ADCY3: variants seen among roughly 807,000 people sequenced by gnomAD.
ADCY3 encodes adenylate cyclase type 3.
A neutral mutation model predicts 119.4 loss-of-function variants in ADCY3; 70 were observed. That is an observed-to-expected ratio of 0.59 (90% CI 0.48 to 0.72). ADCY3 has a LOEUF of 0.72. ADCY3 is among the 30% of genes least tolerant of loss of function. The pLI, the probability that ADCY3 is intolerant of heterozygous loss-of-function variation, is 0.00. For missense variants in ADCY3, 1,238 were observed against 1,541.6 expected, an observed-to-expected ratio of 0.80 and a Z score of 3.30; for synonymous variants, 672 against 621.4, an observed-to-expected ratio of 1.08 and a Z score of -1.21.
chr2:24,912,288 C>T (rs1663803632), intron 2 of ADCY3, among the ~76,000 whole-genome samples: 1 of 146,514 alleles, frequency 6.8e-6, no homozygotes, highest in African/African-American at 2.5e-5. Context: ...CATGGTGAAA[C>T]TCTGTCTCTA....
At chr2:24,821,245 A>G in intron 20 of ADCY3, 1 of 472,548 alleles carries the variant, frequency 2.1e-6, no homozygotes, top group Non-Finnish European at 3.7e-6. Context: ...CTGGAAATGG[A>G]TCACAAACTC....
chr2:24,903,103 C>T (rs148968279), intron 2 of ADCY3, among the ~76,000 whole-genome samples: 10 of 149,914 alleles, frequency 6.7e-5, no homozygotes, highest in Non-Finnish European at 1.3e-4. Flanking sequence ...GCCAAGATCG[C>T]GCCACTGCAC....
chr2:24,902,877 A>C (rs888515176), intron 2 of ADCY3, among the ~76,000 whole-genome samples: 1 of 152,074 alleles, frequency 6.6e-6, no homozygotes, highest in African/African-American at 2.4e-5. Context: ...TAAAAACACA[A>C]AAAATTAGCC....
rs548075036 is a variant in ADCY3 at position 24,830,761 on chromosome 2, G to A, written c.2120C>T (p.Thr707Ile). Reference protein sequence around the residue: ...WIDRTRWARNTWAMLAIFILV... With the variant: ...WIDRTRWARNIWAMLAIFILV... ...GATGAAGATGGCGAGCATGGCCCAG[G>A]TGTTCCTGGCCCAGCGGGTCCGGTC... The change falls in exon 13 of 22, where the codon ACC (threonine) becomes ATC (isoleucine). Residue 707 changes from threonine to isoleucine, a missense_variant. Thr to Ile is a moderately conservative substitution (Grantham distance 89, BLOSUM62 -1). Coordinates refer to ENST00000679454, the MANE Select transcript of ADCY3 (RefSeq NM_004036.5). 9.9e-6 allele frequency: 16 copies of A among 1,614,034 alleles called. No homozygotes were observed. The African/African-American group carries it at 1.6e-4, about 16-fold the overall frequency.
At chr2:24,838,410 T>TGGGTG in intron 8 of ADCY3, 35 bp downstream of exon 8, 1 of 464,970 alleles carries the variant, frequency 2.2e-6, no homozygotes, top group Non-Finnish European at 2.8e-6. Flanking sequence ...AGGGGTGGGG[T>TGGGTG]GGGTGGGGTG....
intron 11 of ADCY3, chr2:24,832,051 C>CAGGGGAA (rs1346197819): frequency 6.2e-5 from 1 of 16,060 alleles, no homozygotes; most frequent in Non-Finnish European, 1.3e-4. Flanking sequence ...AGACAAGGAC[C>CAGGGGAA]GGGGGAAGGG....
intron 2 of ADCY3, among the ~76,000 whole-genome samples, chr2:24,905,207 C>T (rs1007376345): frequency 4.0e-5 from 6 of 151,250 alleles, no homozygotes; most frequent in African/African-American, 1.5e-4. Flanking sequence ...AATCTCAGCT[C>T]ACTACAAGCT....
At chr2:24,823,627 A>G (rs1179110013) in intron 17 of ADCY3, among the ~76,000 whole-genome samples, 1 of 151,174 alleles carries the variant, frequency 6.6e-6, no homozygotes, top group Non-Finnish European at 1.5e-5. Flanking sequence ...CCACAGACAC[A>G]TGTCACCATG....
rs1675081959 is a variant in ADCY3 at position 24,872,040 on chromosome 2, G to T, written c.825+530C>A. ...GAGGGAGGAGCTCCCCTGAGTGGGG[G>T]TGTGAGGCTGACACACTTCACCCAG... On this transcript the variant is annotated intron_variant, in intron 3 of 21. Transcript: ENST00000679454. This position sits in a 1 kb window ranked among gnomAD's most constrained non-coding sequence, Gnocchi z 4.4. Among the ~76,000 whole-genome samples, 1 of 152,202 alleles carries T rather than the reference G, an allele frequency of 6.6e-6. No homozygotes were observed. The highest frequency in any genetic ancestry group is 1.5e-5 in the Non-Finnish European group (1 of 68,034).
chr2:24,833,452 CCTG>C (rs1181243620), intron 11 of ADCY3, among the ~76,000 whole-genome samples: 1 of 152,244 alleles, frequency 6.6e-6, no homozygotes, highest in Non-Finnish European at 1.5e-5. Context: ...GCCAGCAAGT[CCTG>C]CTCTGACCAT....
At position 24,919,087 on chromosome 2, in the gene ADCY3, G is replaced by T; in HGVS notation, c.-100C>A. The T allele has an allele frequency of 1.2e-5, 16 of 1,295,136 alleles. No individual in the cohort carries two copies. The highest frequency in any genetic ancestry group is 1.5e-5 in the Non-Finnish European group (15 of 968,328). 80.2% of individuals were successfully genotyped at this position (1,295,136 alleles called of 1,614,324 possible). On this transcript the variant is annotated 5_prime_UTR_variant, in exon 2 of 22. Coordinates refer to ENST00000679454, the MANE Select transcript of ADCY3 (RefSeq NM_004036.5). The surrounding 1 kb of genome is among the most constrained non-coding windows in gnomAD (Gnocchi z 5.5). The stretch of plus-strand genomic sequence containing the variant: ...TCAGGGCTCTCTGAGACCGGGGGAG[G>T]GCTGAGGGCCTCTTCTTGTCTGGGG...
Position 24,841,369 on chromosome 2 carries a change from C to T in ADCY3, c.1086G>A (p.Arg362=), listed in dbSNP as rs760176452. The T allele has an allele frequency of 4.3e-6, 7 of 1,609,512 alleles. No individual in the cohort carries two copies. The highest frequency in any genetic ancestry group is 5.1e-6 in the Non-Finnish European group (6 of 1,178,362). The change falls in exon 6 of 22, where the codon CGG becomes CGA. Residue 362 remains arginine (R), a synonymous_variant. Transcript: ENST00000679454. The surrounding 1 kb of genome is among the most constrained non-coding windows in gnomAD (Gnocchi z 5.8). ...AGTAGCAGTCGCCCAGGATCTTAAT[C>T]CGCAGCTGGTGGTATTTCTGAAAGG... ...DKLAAKYHQL[R]IKILGDCYYC...
intron 2 of ADCY3, among the ~76,000 whole-genome samples, chr2:24,895,223 T>G (rs113799488): frequency 0.03 from 4,549 of 152,212 alleles, 209 homozygotes; most frequent in African/African-American, 0.097. Context: ...CCTGAGTAAC[T>G]GGGACTACGG....
At chr2:24,914,928 T>TC (rs1664267346) in intron 2 of ADCY3, among the ~76,000 whole-genome samples, 1 of 152,044 alleles carries the variant, frequency 6.6e-6, no homozygotes, top group Non-Finnish European at 1.5e-5. Flanking sequence ...CACTCCCTGA[T>TC]CACCTGCTCT....
chr2:24,910,282 A>G (rs1235651392), intron 2 of ADCY3, among the ~76,000 whole-genome samples: 3 of 152,164 alleles, frequency 2.0e-5, no homozygotes, highest in Non-Finnish European at 4.4e-5. Flanking sequence ...GGCTCATTGC[A>G]GCATCCGGGG....
At position 24,841,733 on chromosome 2, in the gene ADCY3, G is replaced by T; in HGVS notation, c.957-66C>A. On this transcript the variant is annotated intron_variant, in intron 4 of 21. Transcript: ENST00000679454. The surrounding 1 kb of genome is among the most constrained non-coding windows in gnomAD (Gnocchi z 5.8). ...CCAGGTGTACCCGACCCCACTGCCAGCTCCCTCTCCAACCCACAGGGCAGC... is the reference window on the plus strand; with the variant it reads ...CCAGGTGTACCCGACCCCACTGCCATCTCCCTCTCCAACCCACAGGGCAGC... 1 of 1,260,736 alleles carries T rather than the reference G, an allele frequency of 7.9e-7. No homozygotes were observed. Among genetic ancestry groups the T allele is most frequent in the Non-Finnish European group, 1.1e-6 (1 of 872,538 alleles). 78.1% of individuals were successfully genotyped at this position (1,260,736 alleles called of 1,614,324 possible). A position where few individuals can be genotyped will look rare whatever the true frequency, so the allele number is the denominator to read the frequency against.
At chr2:24,849,488 T>G (rs1572882917) in intron 3 of ADCY3, among the ~76,000 whole-genome samples, 1 of 152,224 alleles carries the variant, frequency 6.6e-6, no homozygotes, top group African/African-American at 2.4e-5. Context: ...TTCCATTTTT[T>G]TCCCTTATAT....
chr2:24,914,633 C>T (rs1664217905), intron 2 of ADCY3, among the ~76,000 whole-genome samples: 1 of 150,782 alleles, frequency 6.6e-6, no homozygotes, highest in Non-Finnish European at 1.5e-5. Flanking sequence ...CAAGACTGTG[C>T]CATTGCACTC....
chr2:24,827,665 C>T (rs1668816955), intron 14 of ADCY3, 57 bp from the exon 15 acceptor site: 2 of 1,534,276 alleles, frequency 1.3e-6, no homozygotes, highest in Non-Finnish European at 1.8e-6. Context: ...GCCTGATGCC[C>T]AGCCAGGCAC....
Sources: gnomAD v4.1 joint callset for allele counts (sites outside exome capture counted in the v4.1 genomes callset) on GRCh38, gnomAD v4.1.1 for gene constraint, Gnocchi (gnomAD v3.1) non-coding constraint, MANE v1.5 for transcripts, NCBI Gene and HGNC (gene_info 2026-07-23, HGNC 2026-07-21) for gene names.